HDGFL2: variants seen among roughly 807,000 people sequenced by gnomAD.
HDGFL2 encodes the protein hepatoma-derived growth factor-related protein 2.
A neutral mutation model predicts 77.1 loss-of-function variants in HDGFL2; 36 were observed. The observed-to-expected ratio is 0.47, with a 90% confidence interval of 0.36 to 0.62. The LOEUF is 0.62. HDGFL2 is among the 20% of genes least tolerant of loss of function. HDGFL2 has a pLI of 0.00. For synonymous variants in HDGFL2, 463 were observed against 413.1 expected (o/e 1.12, Z -1.46); for missense variants, 976 against 973.4 (o/e 1.00, Z -0.04).
At chr19:4,477,282 G>A (rs559441724) in intron 3 of HDGFL2, among the ~76,000 whole-genome samples, 1 of 152,300 alleles carries the variant, frequency 6.6e-6, no homozygotes, top group South Asian at 2.1e-4. Context: ...CTTGCCTTCT[G>A]GGAGCTCATG....
intron 3 of HDGFL2, among the ~76,000 whole-genome samples, chr19:4,477,420 T>A (rs1199140431): frequency 2.6e-5 from 4 of 152,184 alleles, no homozygotes; most frequent in African/African-American, 7.2e-5. Flanking sequence ...CCATGGTGTG[T>A]CTAGGAGACT....
intron 3 of HDGFL2, among the ~76,000 whole-genome samples, chr19:4,487,925 C>T (rs1037105674): frequency 1.3e-5 from 2 of 150,706 alleles, no homozygotes; most frequent in African/African-American, 4.9e-5. Flanking sequence ...GCTTCTTCCT[C>T]CTGATAATTG....
intron 9 of HDGFL2, 102 bp from the exon 10 acceptor site, chr19:4,496,200 G>A (rs1599721838): frequency 8.8e-6 from 8 of 914,278 alleles, no homozygotes; most frequent in African/African-American, 1.6e-5. Flanking sequence ...TGTGGAGGGC[G>A]ACAGAAAGGG....
intron 3 of HDGFL2, among the ~76,000 whole-genome samples, chr19:4,480,429 G>T (rs758928737): frequency 2.0e-5 from 3 of 152,120 alleles, no homozygotes; most frequent in Non-Finnish European, 4.4e-5. Flanking sequence ...CCTCTTAGAA[G>T]TGGGAGTTGG....
Position 4,494,440 on chromosome 19 carries a change from T to A in HDGFL2, c.1189T>A (p.Ser397Thr), listed in dbSNP as rs1975646797. 2 of 1,403,238 alleles carry A rather than the reference T, an allele frequency of 1.4e-6. No homozygotes were observed. The highest frequency in any genetic ancestry group is 3.0e-5 in the African/African-American group (2 of 65,742). The allele number at this position is 1,403,238 out of a possible 1,614,324, so 86.9% of individuals were successfully genotyped here. ...KGRGRGPPSSSDSEPEAELER... is the reference protein window; with the variant it reads ...KGRGRGPPSSTDSEPEAELER... ...CCGGGGCCGGGGTCCCCCGTCCTCC[T>A]CTGACTCCGAGCCCGAGGCCGAGCT... Residue 397 changes from serine (S) to threonine (T), a missense_variant, in exon 9 of 16, where the codon TCT (serine) becomes ACT (threonine). Physicochemically the swap from Ser to Thr is moderately conservative, Grantham distance 58. Around this residue, in one of 5 missense-constraint regions of HDGFL2, gnomAD observed 567 missense variants for 534.7 expected, o/e 1.06. Transcript: ENST00000616600.
chr19:4,493,143 GTC>G (rs1443281178), intron 6 of HDGFL2, among the ~76,000 whole-genome samples: 1 of 135,904 alleles, frequency 7.4e-6, no homozygotes, highest in African/African-American at 2.8e-5. Context: ...TGTTATCTGT[GTC>G]TGTGTGGTGT....
intron 6 of HDGFL2, among the ~76,000 whole-genome samples, chr19:4,492,989 AG>A (rs1811568337): frequency 1.6e-5 from 1 of 62,418 alleles, no homozygotes; most frequent in African/African-American, 6.7e-5. Flanking sequence ...GTCTGTGTGT[AG>A]TGTGTGTGTG....
chr19:4,486,615 G>A (rs887760975), intron 3 of HDGFL2, among the ~76,000 whole-genome samples: 2 of 151,962 alleles, frequency 1.3e-5, no homozygotes, highest in African/African-American at 2.4e-5. Context: ...TGAGGCGGGT[G>A]GATCACGAGG....
chr19:4,497,587 C>A, intron 10 of HDGFL2: 1 of 332,700 alleles, frequency 3.0e-6, no homozygotes. Flanking sequence ...TACAGAGCAG[C>A]ACATGGCACC....
intron 3 of HDGFL2, among the ~76,000 whole-genome samples, chr19:4,488,055 C>G (rs140702296): frequency 0.015 from 2,272 of 152,164 alleles, 57 homozygotes; most frequent in African/African-American, 0.052. Context: ...ACTGCAACCT[C>G]CACCTCGTGG....
chr19:4,501,951 G>T lies in HDGFL2; in HGVS notation c.1957G>T (p.Asp653Tyr), dbSNP rs368577824. The T allele has an allele frequency of 1.2e-4, 183 of 1,500,354 alleles. No homozygotes were observed. The highest frequency in any genetic ancestry group is 1.4e-4 in the Non-Finnish European group (163 of 1,130,870). The allele number at this position is 1,500,354 out of a possible 1,614,324, so 92.9% of individuals were successfully genotyped here. A position where few individuals can be genotyped will look rare whatever the true frequency, so the allele number is the denominator to read the frequency against. Residue 653 changes from aspartate to tyrosine, a missense_variant, in exon 16 of 16, where the codon GAC (aspartate) becomes TAC (tyrosine). Transcript: ENST00000616600. ...TCCCGACCTGGACAGGCCTGGGAGC[G>T]ACCGGCAGGAGCGCGAGAGGGCACG... ...EGPDLDRPGS[D>Y]RQERERARGD...
chr19:4,493,865 AG>A lies in HDGFL2; in HGVS notation c.838+6del, dbSNP rs1424407565. ...GCCTCCGAGGGGCAGGAAGCCAGGTAGGGCCCTCGTGCTCGCACATCTCTTG... is the reference window on the plus strand; with the variant it reads ...GCCTCCGAGGGGCAGGAAGCCAGGTAGGCCCTCGTGCTCGCACATCTCTTG... On this transcript the variant is annotated splice_donor_region_variant and intron_variant, in intron 7 of 15. Coordinates refer to ENST00000616600, the MANE Select transcript of HDGFL2 (RefSeq NM_001001520.3). 1 of 1,503,756 alleles carries A rather than the reference AG, an allele frequency of 6.7e-7. No homozygotes were observed. The allele number at this position is 1,503,756 out of a possible 1,614,324, so 93.2% of individuals were successfully genotyped here.
intron 1 of HDGFL2, among the ~76,000 whole-genome samples, chr19:4,473,656 G>A (rs1975000633): frequency 7.0e-6 from 1 of 142,690 alleles, no homozygotes; most frequent in Non-Finnish European, 1.5e-5. Context: ...GAGGGTCAAG[G>A]CTAAGGGAAG....
intron 6 of HDGFL2, among the ~76,000 whole-genome samples, chr19:4,492,745 G>A (rs1435739203): frequency 8.3e-6 from 1 of 120,584 alleles, no homozygotes; most frequent in Non-Finnish European, 1.8e-5. Context: ...ATGTGTGTTG[G>A]GTGTTTGTGT....
chr19:4,481,210 T>A (rs1323121270), intron 3 of HDGFL2, among the ~76,000 whole-genome samples: 1 of 30,632 alleles, frequency 3.3e-5, no homozygotes, highest in African/African-American at 1.4e-4. Context: ...TTTTTTTTTG[T>A]GATGGAGTCT....
At chr19:4,499,842 C>G in intron 14 of HDGFL2, 138 bp downstream of exon 14, 2 of 717,904 alleles carry the variant, frequency 2.8e-6, no homozygotes, top group Non-Finnish European at 4.5e-6. Flanking sequence ...CTGTTGGGGT[C>G]TCCGTGCAGA....
rs1568219963 is a variant in HDGFL2, at chr19:4,501,247, G to T, written c.1846G>T (p.Asp616Tyr). 1 of 1,613,812 alleles carries T rather than the reference G, an allele frequency of 6.2e-7. No homozygotes were observed. The change falls in exon 15 of 16, where the codon GAC becomes TAC. Residue 616 changes from aspartate (D) to tyrosine (Y), a missense_variant. Around this residue, in one of 5 missense-constraint regions of HDGFL2, gnomAD observed 229 missense variants for 187.3 expected, o/e 1.22. Transcript: ENST00000616600. ...ATSQKGESAE[D>Y]KEHEEGRDSE... ...ATCACAGAAGGGGGAGAGCGCAGAGGACAAGGAGCACGAGGAGGGTCGGGA... is the reference window on the plus strand; with the variant it reads ...ATCACAGAAGGGGGAGAGCGCAGAGTACAAGGAGCACGAGGAGGGTCGGGA...
rs751504637 is a variant in HDGFL2 at position 4,494,458 on chromosome 19, G to A, written c.1207G>A (p.Ala403Thr). 3.8e-5 allele frequency: 53 copies of A among 1,396,762 alleles called. No homozygotes were observed. Among genetic ancestry groups the A allele is most frequent in the Non-Finnish European group, 4.9e-5 (53 of 1,080,586 alleles). The allele number at this position is 1,396,762 out of a possible 1,614,324, so 86.5% of individuals were successfully genotyped here. A position where few individuals can be genotyped will look rare whatever the true frequency, so the allele number is the denominator to read the frequency against. ...GTCCTCCTCTGACTCCGAGCCCGAG[G>A]CCGAGCTGGAGAGAGAGGTGAGCCG... ...PPSSSDSEPE[A>T]ELEREAKKSA... Residue 403 changes from alanine (A) to threonine (T), a missense_variant, in exon 9 of 16, where the codon GCC becomes ACC. By Grantham distance (58) the Ala-to-Thr change is moderately conservative (BLOSUM62 0). This residue lies in a region of HDGFL2 where 567 missense variants were observed against 534.7 expected (regional missense o/e 1.06). Coordinates refer to ENST00000616600, the MANE Select transcript of HDGFL2 (RefSeq NM_001001520.3).
chr19:4,483,229 G>C (rs72973971), intron 3 of HDGFL2, among the ~76,000 whole-genome samples: 8,293 of 152,302 alleles, frequency 0.054, 254 homozygotes, highest in Middle Eastern at 0.071. Context: ...TGCTCGGGCC[G>C]AGCGGTGACG....
Sources: allele counts gnomAD v4.1 joint callset (sites outside exome capture counted in the v4.1 genomes callset), GRCh38; gene constraint gnomAD v4.1.1; regional missense constraint gnomAD v4.1.1; transcripts MANE v1.5; gene names NCBI Gene and HGNC (gene_info 2026-07-23, HGNC 2026-07-21).